The following DLG1 variants were observed in gnomAD, a reference collection of about 807,000 sequenced individuals.
DLG1 encodes discs large MAGUK scaffold protein 1.
Under a neutral mutation model 123.4 loss-of-function variants are expected in DLG1, and 42 were observed. The observed-to-expected ratio is 0.34, with a 90% CI of 0.27 to 0.44. DLG1 has a LOEUF of 0.44. Ranked by LOEUF, DLG1 falls within the 20% of genes least tolerant of loss-of-function variation. DLG1 has a pLI of 1.00. For missense variants in DLG1, 942 were observed against 1,082.6 expected (o/e 0.87, Z 1.82); for synonymous variants, 317 against 356.2 (o/e 0.89, Z 1.24).
In DLG1 at chr3:197,260,750, C is replaced by CAAAAAAAAAAAAAAAAAAAA. The variant is rs570596943; in HGVS notation, c.318+21909_318+21928dup. 1.6e-4 allele frequency among the ~76,000 whole-genome samples: 3 copies of CAAAAAAAAAAAAAAAAAAAA among 18,316 alleles called. 1 individual carries two copies. Among genetic ancestry groups the CAAAAAAAAAAAAAAAAAAAA allele is most frequent in the Non-Finnish European group, 2.8e-4 (3 of 10,778 alleles). The allele number at this position is 18,316 out of a possible 152,430, so 12.0% of individuals were successfully genotyped here. On this transcript the variant is annotated intron_variant, in intron 4 of 24. Coordinates refer to ENST00000667157, the MANE Select transcript of DLG1 (RefSeq NM_001366207.1). ...GTTTGGATACTCAAATGACAACCAC[C>CAAAAAAAAAAAAAAAAAAAA]AAAAAAAAAAAAAAAAAAAAAAAAA...
At chr3:197,196,268 T>C (rs1272001704) in intron 4 of DLG1, among the ~76,000 whole-genome samples, 1 of 151,860 alleles carries the variant, frequency 6.6e-6, no homozygotes, top group Non-Finnish European at 1.5e-5. Flanking sequence ...AACAACATCC[T>C]TTTGTGAAAT....
At chr3:197,181,048 T>C (rs59604138) in intron 5 of DLG1, among the ~76,000 whole-genome samples, 2,442 of 152,294 alleles carry the variant, frequency 0.016, 69 homozygotes, top group African/African-American at 0.054. Context: ...TCCAGTATCA[T>C]AGTAGAAAAT....
chr3:197,241,945 T>C (rs978987748), intron 4 of DLG1, among the ~76,000 whole-genome samples: 7 of 151,930 alleles, frequency 4.6e-5, no homozygotes, highest in Non-Finnish European at 1.0e-4. Context: ...AGCAACAAAA[T>C]GGCAGTAGTC....
chr3:197,179,737 T>C (rs1234483324), intron 5 of DLG1, among the ~76,000 whole-genome samples: 1 of 152,156 alleles, frequency 6.6e-6, no homozygotes, highest in Non-Finnish European at 1.5e-5. Flanking sequence ...ACTGTTATTC[T>C]CTCTATTGGA....
At chr3:197,282,871 T>G (rs572795657) in intron 3 of DLG1, 26 bp from the exon 4 acceptor site, 3 of 1,369,202 alleles carry the variant, frequency 2.2e-6, no homozygotes, top group Admixed American at 2.3e-5. Context: ...TAAAAATTCA[T>G]AAGTATTTAT....
At chr3:197,131,576 CTTCCTTTCTTTT>C (rs1782476584) in intron 10 of DLG1, among the ~76,000 whole-genome samples, 1 of 106,304 alleles carries the variant, frequency 9.4e-6, no homozygotes, top group South Asian at 4.0e-4. Flanking sequence ...AGTTTTATTT[CTTCCTTTCTTTT>C]TTTTTTTTTT....
At chr3:197,263,797 G>A (rs1020854609) in intron 4 of DLG1, among the ~76,000 whole-genome samples, 4 of 151,606 alleles carry the variant, frequency 2.6e-5, no homozygotes, top group Non-Finnish European at 5.9e-5. Flanking sequence ...AAAAGAAAAA[G>A]AAAAAAAAGA....
chr3:197,246,748 G>A (rs1215341654), intron 4 of DLG1, among the ~76,000 whole-genome samples: 1 of 152,184 alleles, frequency 6.6e-6, no homozygotes, highest in Admixed American at 6.5e-5. Flanking sequence ...ATAGCGATGG[G>A]TAGGTGTTTT....
In DLG1 at chr3:197,065,691, T is replaced by C; in HGVS notation, c.2200+17A>G. 6.5e-7 allele frequency: 1 copy of C among 1,527,940 alleles called. No individual in the cohort carries two copies. The highest frequency in any genetic ancestry group is 9.0e-7 in the Non-Finnish European group (1 of 1,109,826). 94.6% of individuals were successfully genotyped at this position (1,527,940 alleles called of 1,614,324 possible). Reference sequence around the variant, plus strand: ...TGTTAAGAGTAACAATTAAATGTTTTTGTTTGGTTTACTTACGAGGAACAC... The same window carrying C: ...TGTTAAGAGTAACAATTAAATGTTTCTGTTTGGTTTACTTACGAGGAACAC... On this transcript the variant is annotated intron_variant, in intron 21 of 24. Coordinates refer to ENST00000667157, the MANE Select transcript of DLG1 (RefSeq NM_001366207.1).
At chr3:197,168,256 G>C (rs1289373850) in intron 5 of DLG1, among the ~76,000 whole-genome samples, 1 of 152,158 alleles carries the variant, frequency 6.6e-6, no homozygotes, top group African/African-American at 2.4e-5. Flanking sequence ...CAAGTTCCTT[G>C]AAGAACATAG....
intron 4 of DLG1, among the ~76,000 whole-genome samples, chr3:197,199,149 A>T (rs942176215): frequency 6.6e-6 from 1 of 152,196 alleles, no homozygotes; most frequent in Non-Finnish European, 1.5e-5. Context: ...CTGAAGCTGA[A>T]ATTGACATAT....
At position 197,297,716 on chromosome 3, in the gene DLG1, G is replaced by A. The variant is rs1433284478; in HGVS notation, c.-31-481C>T. On this transcript the variant is annotated intron_variant, in intron 1 of 24. Coordinates refer to ENST00000667157, the MANE Select transcript of DLG1 (RefSeq NM_001366207.1). ...CCTCCGGGCTGCTCCAGCGGGGGCC[G>A]GACAGGGCAGCGGCCGCTCTCCGCG... 10 of 987,394 alleles carry A rather than the reference G, an allele frequency of 1.0e-5. No homozygotes were observed. The African/African-American group carries it at 1.0e-4, about 10-fold the overall frequency. The allele number at this position is 987,394 out of a possible 1,614,324, so 61.2% of individuals were successfully genotyped here. A position where few individuals can be genotyped will look rare whatever the true frequency, so the allele number is the denominator to read the frequency against.
intron 4 of DLG1, among the ~76,000 whole-genome samples, chr3:197,230,946 T>A (rs777216318): frequency 3.3e-5 from 5 of 149,914 alleles, no homozygotes; most frequent in African/African-American, 7.6e-5. Context: ...ACATATAGTA[T>A]GTTATTTAAT....
intron 5 of DLG1, among the ~76,000 whole-genome samples, chr3:197,182,611 A>G (rs1712968076): frequency 6.6e-6 from 1 of 152,170 alleles, no homozygotes; most frequent in Non-Finnish European, 1.5e-5. Flanking sequence ...CTTTAAGGGA[A>G]TTTATTTTAA....
At chr3:197,280,439 G>A (rs1277692271) in intron 4 of DLG1, among the ~76,000 whole-genome samples, 1 of 152,018 alleles carries the variant, frequency 6.6e-6, no homozygotes, top group Non-Finnish European at 1.5e-5. Flanking sequence ...TGTGAATAGT[G>A]CTGCAATAAA....
chr3:197,268,847 T>C (rs957471454), intron 4 of DLG1, among the ~76,000 whole-genome samples: 15 of 150,318 alleles, frequency 1.0e-4, no homozygotes, highest in African/African-American at 3.7e-4. Flanking sequence ...ATTTTTTAAT[T>C]TTTTTTTTTA....
chr3:197,142,678 A>G (rs1407556069), intron 7 of DLG1, 40 bp downstream of exon 7: 3 of 1,474,830 alleles, frequency 2.0e-6, no homozygotes, highest in South Asian at 1.3e-5. Flanking sequence ...AGTATATTAC[A>G]AAGTTCTCTA....
chr3:197,052,856 C>A (rs1214060749), intron 23 of DLG1, among the ~76,000 whole-genome samples: 1 of 152,102 alleles, frequency 6.6e-6, no homozygotes, highest in African/African-American at 2.4e-5. Context: ...ACAACTTAAC[C>A]AACTGCCATG....
chr3:197,080,889 C>A, intron 17 of DLG1, 162 bp downstream of exon 17: 1 of 534,674 alleles, frequency 1.9e-6, no homozygotes, highest in Admixed American at 3.7e-5. Flanking sequence ...TTGGAAGGGT[C>A]TGTGAAATGG....
Sources: gnomAD v4.1 joint callset for allele counts (sites outside exome capture counted in the v4.1 genomes callset) on GRCh38, gnomAD v4.1.1 for gene constraint, MANE v1.5 for transcripts, NCBI Gene and HGNC (gene_info 2026-07-23, HGNC 2026-07-21) for gene names.